The following HMGCS2 variants were observed in gnomAD, a reference collection of about 807,000 sequenced individuals.
HMGCS2 encodes 3-hydroxy-3-methylglutaryl-CoA synthase 2, also known as hydroxymethylglutaryl-CoA synthase, mitochondrial.
A neutral mutation model predicts 57.4 loss-of-function variants in HMGCS2; 50 were observed. The observed-to-expected ratio is 0.87, with a 90% CI of 0.69 to 1.10. The LOEUF is 1.10. Ranked by LOEUF, HMGCS2 falls within the 50% of genes least tolerant of loss-of-function variation. HMGCS2 has a pLI of 0.00. For synonymous variants in HMGCS2, 254 were observed against 245.1 expected (o/e 1.04, Z -0.34); for missense variants, 627 against 636.5 (o/e 0.99, Z 0.16).
At chr1:119,766,802 T>C (rs587644928) in intron 1 of HMGCS2, among the ~76,000 whole-genome samples, 106 of 152,172 alleles carry the variant, frequency 7.0e-4, no homozygotes, top group Non-Finnish European at 1.2e-3. Flanking sequence ...AATGGGTCAG[T>C]TGGTAACTTT....
chr1:119,768,085 G>C (rs770043834), intron 1 of HMGCS2, among the ~76,000 whole-genome samples: 1 of 152,186 alleles, frequency 6.6e-6, no homozygotes, highest in African/African-American at 2.4e-5. Flanking sequence ...TGGATGGTTT[G>C]GGGATTAGAC....
Position 119,759,796 on chromosome 1 carries a change from A to G in HMGCS2, c.685+68T>C, listed in dbSNP as rs12121219. On this transcript the variant is annotated intron_variant, in intron 3 of 9. Transcript: ENST00000369406. Reference sequence around the variant, plus strand: ...TCAGCCCTGAGTAGCAGGTGTGCCAATGTGGGATTAGGATCTATGTTCTTG... The same window carrying G: ...TCAGCCCTGAGTAGCAGGTGTGCCAGTGTGGGATTAGGATCTATGTTCTTG... 170,004 of 1,587,902 alleles carry G rather than the reference A, an allele frequency of 0.11. 9,817 individuals carry two copies. The highest frequency in any genetic ancestry group is 0.15 in the Middle Eastern group (882 of 6,010).
chr1:119,751,877 A>C (rs2101246832), intron 8 of HMGCS2, among the ~76,000 whole-genome samples: 1 of 152,374 alleles, frequency 6.6e-6, no homozygotes, highest in East Asian at 1.9e-4. Context: ...TTGAGAATAT[A>C]TATAAAACCT....
Position 119,759,043 on chromosome 1 carries a change from A to G in HMGCS2, c.850+75T>C. Reference sequence around the variant, plus strand: ...TTTTCAAGGCAGGAGAGAAAAGACCATCTCATGGCCTTTGGGTACAAACCC... The same window carrying G: ...TTTTCAAGGCAGGAGAGAAAAGACCGTCTCATGGCCTTTGGGTACAAACCC... On this transcript the variant is annotated intron_variant, in intron 4 of 9. Coordinates refer to ENST00000369406, the MANE Select transcript of HMGCS2 (RefSeq NM_005518.4). 4.3e-6 allele frequency: 6 copies of G among 1,410,666 alleles called. No homozygotes were observed. The South Asian group carries it at 4.6e-5, about 11-fold the overall frequency. 87.4% of individuals were successfully genotyped at this position (1,410,666 alleles called of 1,614,324 possible).
At chr1:119,751,787 T>C (rs1014629221) in intron 8 of HMGCS2, among the ~76,000 whole-genome samples, 1 of 152,182 alleles carries the variant, frequency 6.6e-6, no homozygotes, top group Non-Finnish European at 1.5e-5. Flanking sequence ...AGGTCTAGGT[T>C]TTCTGGAACA....
chr1:119,753,513 C>CCT, intron 6 of HMGCS2, 127 bp from the exon 7 acceptor site: 1 of 666,022 alleles, frequency 1.5e-6, no homozygotes, highest in East Asian at 2.7e-5. Flanking sequence ...CCGATCTTCT[C>CCT]CCTGTCTACC....
At position 119,753,352 on chromosome 1, in the gene HMGCS2, C is replaced by T. The variant is rs1471802697; in HGVS notation, c.1222G>A (p.Gly408Ser). Residue 408 changes from glycine to serine, a missense_variant, in exon 7 of 10, where the codon GGT becomes AGT. Transcript: ENST00000369406. ...SAQELAGSRI[G>S]AFSYGSGLAA... ...AAACCAGAGCCATAAGAGAAGGCAC[C>T]AATCCTGGAGCCAGCCAGTTCTTGG... The T allele has an allele frequency of 1.2e-6, 2 of 1,612,896 alleles. No homozygotes were observed. The highest frequency in any genetic ancestry group is 1.7e-6 in the Non-Finnish European group (2 of 1,179,622).
chr1:119,752,697 T>A (rs776698145), intron 7 of HMGCS2, 23 bp from the exon 8 acceptor site: 13 of 1,613,604 alleles, frequency 8.1e-6, no homozygotes, highest in Non-Finnish European at 1.0e-5. Context: ...AGCAAGATTG[T>A]TACACCTTTT....
intron 1 of HMGCS2, among the ~76,000 whole-genome samples, chr1:119,765,290 A>G (rs587771753): frequency 1.3e-5 from 2 of 151,852 alleles, no homozygotes; most frequent in Non-Finnish European, 2.9e-5. Context: ...TTGTATTTTT[A>G]GTAGAGACAG....
rs587599683 is a variant in HMGCS2 at position 119,768,477 on chromosome 1, C to G, written c.104+264G>C. The stretch of plus-strand genomic sequence containing the variant: ...TGGCCTGGTACTGATATTTCTACTG[C>G]TTCATGCAGCTGGCAGAGTAAAAGT... On this transcript the variant is annotated intron_variant, in intron 1 of 9. Coordinates refer to ENST00000369406, the MANE Select transcript of HMGCS2 (RefSeq NM_005518.4). Among the ~76,000 whole-genome samples, 4 of 152,284 alleles carry G rather than the reference C, an allele frequency of 2.6e-5. No homozygotes were observed. In the East Asian group the frequency reaches 5.8e-4, roughly 22 times the overall value.
At chr1:119,756,600 T>G (rs1479802297) in intron 5 of HMGCS2, among the ~76,000 whole-genome samples, 4 of 152,236 alleles carry the variant, frequency 2.6e-5, no homozygotes, top group Non-Finnish European at 4.4e-5. Context: ...CCTTTCCCAG[T>G]GGAAACTGTA....
At chr1:119,760,709 G>A (rs4659233) in intron 2 of HMGCS2, among the ~76,000 whole-genome samples, 20,454 of 152,070 alleles carry the variant, frequency 0.13, 1,407 homozygotes, top group African/African-American at 0.18. Context: ...AAGAAGTACT[G>A]TCCCAAAAAC....
At chr1:119,755,244 G>A (rs1652795524) in intron 6 of HMGCS2, among the ~76,000 whole-genome samples, 183 bp downstream of exon 6, 1 of 152,190 alleles carries the variant, frequency 6.6e-6, no homozygotes, top group African/African-American at 2.4e-5. Context: ...CTAGGTTCAG[G>A]CGATCTGCCC....
chr1:119,761,532 G>A (rs1292601937), intron 2 of HMGCS2, among the ~76,000 whole-genome samples: 5 of 152,262 alleles, frequency 3.3e-5, no homozygotes, highest in South Asian at 4.1e-4. Flanking sequence ...TGGGGAGGCC[G>A]AGGCAGGAGG....
At chr1:119,759,372 G>C (rs1249147056) in intron 3 of HMGCS2, 90 bp from the exon 4 acceptor site, 1 of 1,318,278 alleles carries the variant, frequency 7.6e-7, no homozygotes, top group East Asian at 2.3e-5. Context: ...GGAGGTTTCT[G>C]GTCATTATCT....
chr1:119,757,935 G>A (rs769144059), intron 4 of HMGCS2, among the ~76,000 whole-genome samples: 2 of 152,234 alleles, frequency 1.3e-5, no homozygotes, highest in African/African-American at 4.8e-5. Context: ...CAAATAAGGA[G>A]TAAAATTTAA....
At chr1:119,762,211 G>C (rs1653070067) in intron 2 of HMGCS2, among the ~76,000 whole-genome samples, 1 of 152,124 alleles carries the variant, frequency 6.6e-6, no homozygotes, top group South Asian at 2.1e-4. Context: ...TACATATGTT[G>C]ATACAGAATT....
At position 119,750,893 on chromosome 1, in the gene HMGCS2, G is replaced by A. The variant is rs954149886; in HGVS notation, c.1436C>T (p.Pro479Leu). The A allele has an allele frequency of 4.3e-6, 7 of 1,610,880 alleles. No individual in the cohort carries two copies. Among genetic ancestry groups the A allele is most frequent in the Non-Finnish European group, 5.9e-6 (7 of 1,177,026 alleles). Reference sequence around the variant, plus strand: ...TGGGAAAAGGCTGTTTGTGTCACCAGGTGGGGAGAAATTCACTGTGGAATG... The same window carrying A: ...TGGGAAAAGGCTGTTTGTGTCACCAAGTGGGGAGAAATTCACTGTGGAATG... The part of the protein sequence containing the change: ...QFYHKVNFSP[P>L]GDTNSLFPGT... The change falls in exon 9 of 10, where the codon CCT becomes CTT. Residue 479 changes from proline to leucine, a missense_variant. Coordinates refer to ENST00000369406, the MANE Select transcript of HMGCS2 (RefSeq NM_005518.4).
At position 119,764,536 on chromosome 1, in the gene HMGCS2, G is replaced by C; in HGVS notation, c.195C>G (p.Ala65=). The C allele has an allele frequency of 6.2e-7, 1 of 1,614,070 alleles. No homozygotes were observed. Among genetic ancestry groups the C allele is most frequent in the South Asian group, 1.1e-5 (1 of 91,038 alleles). The part of the protein sequence containing the change: ...GILALEVYFP[A]QYVDQTDLEK... ...CCAGGTCAGTTTGGTCCACATATTGGGCTGGGAAGTAGACCTCCAGGGCCA... is the reference window on the plus strand; with the variant it reads ...CCAGGTCAGTTTGGTCCACATATTGCGCTGGGAAGTAGACCTCCAGGGCCA... The change falls in exon 2 of 10, where the codon GCC becomes GCG. Residue 65 remains alanine (A), a synonymous_variant. Coordinates refer to ENST00000369406, the MANE Select transcript of HMGCS2 (RefSeq NM_005518.4).
Sources: gnomAD v4.1 joint callset for allele counts (sites outside exome capture counted in the v4.1 genomes callset) on GRCh38, gnomAD v4.1.1 for gene constraint, MANE v1.5 for transcripts, NCBI Gene and HGNC (gene_info 2026-07-23, HGNC 2026-07-21) for gene names.